Variants in DIP2C observed in about 807,000 individuals in gnomAD.
The protein encoded by DIP2C is DIP2 acetate--CoA ligase C (putative).
A neutral mutation model predicts 192.4 loss-of-function variants in DIP2C; 33 were observed. The observed-to-expected ratio is 0.17, with a 90% CI of 0.13 to 0.23. DIP2C has a LOEUF of 0.23. Among genes scored for constraint, DIP2C ranks in the 10% least tolerant of loss-of-function variants. The pLI, the probability that DIP2C is intolerant of heterozygous loss-of-function variation, is 1.00. For synonymous variants in DIP2C, 979 were observed against 864.1 expected, an observed-to-expected ratio of 1.13 and a Z score of -2.33; for missense variants, 1,537 against 2,110.1, an observed-to-expected ratio of 0.73 and a Z score of 5.32.
intron 31 of DIP2C, among the ~76,000 whole-genome samples, chr10:320,739 T>C (rs1301605314): frequency 6.6e-6 from 1 of 152,158 alleles, no homozygotes. Context: ...GGCAACATAG[T>C]GAGACCCTGT....
intron 1 of DIP2C, among the ~76,000 whole-genome samples, chr10:677,875 C>A (rs1830927475): frequency 6.6e-6 from 1 of 152,228 alleles, no homozygotes; most frequent in Non-Finnish European, 1.5e-5. Context: ...TGAGACAGAG[C>A]CAGGCTCCGA....
At chr10:550,979 C>T (rs986545469) in intron 1 of DIP2C, among the ~76,000 whole-genome samples, 3 of 151,038 alleles carry the variant, frequency 2.0e-5, no homozygotes, top group African/African-American at 7.3e-5. Context: ...TGGTACATAC[C>T]TGATGCGAAC....
intron 1 of DIP2C, among the ~76,000 whole-genome samples, chr10:616,524 A>G (rs1044112265): frequency 3.3e-5 from 5 of 152,206 alleles, no homozygotes; most frequent in African/African-American, 1.2e-4. Context: ...CCCACTGAAC[A>G]GAATAAGCAG....
intron 1 of DIP2C, among the ~76,000 whole-genome samples, chr10:601,955 G>T (rs559177176): frequency 6.6e-6 from 1 of 152,208 alleles, no homozygotes; most frequent in South Asian, 2.1e-4. Flanking sequence ...CGGCAGTTTA[G>T]CTAATCACTT....
intron 1 of DIP2C, among the ~76,000 whole-genome samples, chr10:649,651 G>A (rs187221999): frequency 2.0e-5 from 3 of 152,280 alleles, no homozygotes; most frequent in East Asian, 1.9e-4. Flanking sequence ...GGGGGAAGTC[G>A]GAAGTCAGAA....
At chr10:573,422 T>G (rs781006385) in intron 1 of DIP2C, among the ~76,000 whole-genome samples, 62 of 152,202 alleles carry the variant, frequency 4.1e-4, no homozygotes, top group Admixed American at 7.9e-4. Context: ...ATCGTTGCTG[T>G]TTTTCGGACA....
intron 34 of DIP2C, among the ~76,000 whole-genome samples, chr10:283,775 C>T (rs1041049869): frequency 2.0e-5 from 3 of 152,142 alleles, no homozygotes; most frequent in Non-Finnish European, 2.9e-5. Context: ...AGATTCCTTA[C>T]ACTTTAACGA....
chr10:669,954 A>G (rs572269600), intron 1 of DIP2C, among the ~76,000 whole-genome samples: 17 of 152,292 alleles, frequency 1.1e-4, no homozygotes, highest in African/African-American at 3.9e-4. Flanking sequence ...GGGATTCCTG[A>G]TATCGAATGT....
At chr10:430,761 G>T (rs1283353690) in intron 4 of DIP2C, among the ~76,000 whole-genome samples, 1 of 152,148 alleles carries the variant, frequency 6.6e-6, no homozygotes, top group African/African-American at 2.4e-5. Flanking sequence ...AAAGTCACTA[G>T]ATTTTTACCT....
intron 8 of DIP2C, among the ~76,000 whole-genome samples, chr10:412,187 C>T (rs1965229468): frequency 6.6e-6 from 1 of 152,192 alleles, no homozygotes; most frequent in African/African-American, 2.4e-5. Context: ...CATCAGAAGC[C>T]CCGTGAGAAC....
Position 559,368 on chromosome 10 carries a change from T to C in DIP2C, c.86-72838A>G, listed in dbSNP as rs78157021. 4.2e-3 allele frequency among the ~76,000 whole-genome samples: 619 copies of C among 148,562 alleles called. 3 individuals carry two copies. The highest frequency in any genetic ancestry group is 0.015 in the African/African-American group (566 of 38,462). ...CGGGGGAAGCCCCACACAAGCTCGG[T>C]GTGTCCTACCCCACACACAGTCGGC... On this transcript the variant is annotated intron_variant, in intron 1 of 36. Coordinates refer to ENST00000280886, the MANE Select transcript of DIP2C (RefSeq NM_014974.3).
At chr10:513,584 A>T (rs959772242) in intron 1 of DIP2C, among the ~76,000 whole-genome samples, 1 of 151,824 alleles carries the variant, frequency 6.6e-6, no homozygotes, top group Non-Finnish European at 1.5e-5. Context: ...GCCACACTGC[A>T]GCCTGCAATT....
intron 1 of DIP2C, among the ~76,000 whole-genome samples, chr10:659,830 C>T (rs1335055884): frequency 6.6e-6 from 1 of 152,220 alleles, no homozygotes; most frequent in Non-Finnish European, 1.5e-5. Flanking sequence ...TGATTTCCTT[C>T]TGACTAAAAT....
At chr10:543,074 T>TAC (rs1481550778) in intron 1 of DIP2C, among the ~76,000 whole-genome samples, 1 of 152,034 alleles carries the variant, frequency 6.6e-6, no homozygotes, top group Non-Finnish European at 1.5e-5. Flanking sequence ...ATGACACCGA[T>TAC]ACCAACACAT....
rs145134106 is a variant in DIP2C at position 357,885 on chromosome 10, G to T, written c.2847C>A (p.Ile949=). Reference sequence around the variant, plus strand: ...CCAGGTCTCTGCCACTGGCCTGGGCGATTCTCTTCCCAGAGACCAGGTTCC... The same window carrying T: ...CCAGGTCTCTGCCACTGGCCTGGGCTATTCTCTTCCCAGAGACCAGGTTCC... ...MVGNLVSGKR[I]AQASGRDLGQ... Residue 949 remains isoleucine (I), a synonymous_variant, in exon 23 of 37, where the codon ATC becomes ATA. Coordinates refer to ENST00000280886, the MANE Select transcript of DIP2C (RefSeq NM_014974.3). 4 of 1,612,634 alleles carry T rather than the reference G, an allele frequency of 2.5e-6. No homozygotes were observed. In the African/African-American group the frequency reaches 5.3e-5, roughly 22 times the overall value.
At chr10:531,577 C>T (rs1268363924) in intron 1 of DIP2C, among the ~76,000 whole-genome samples, 5 of 152,174 alleles carry the variant, frequency 3.3e-5, no homozygotes, top group African/African-American at 9.7e-5. Context: ...AAGCGTCTAT[C>T]GCCCTAAAGC....
At chr10:454,945 C>G (rs1969166570) in intron 3 of DIP2C, among the ~76,000 whole-genome samples, 1 of 152,190 alleles carries the variant, frequency 6.6e-6, no homozygotes, top group Non-Finnish European at 1.5e-5. Context: ...CCCTTCACTT[C>G]CATCTTTTGA....
chr10:453,728 G>A (rs1048731278), intron 3 of DIP2C, among the ~76,000 whole-genome samples: 16 of 152,222 alleles, frequency 1.1e-4, no homozygotes, highest in Non-Finnish European at 2.2e-4. Flanking sequence ...ATGAGGGAAT[G>A]TAACAGGTAC....
chr10:568,764 T>TAAAA (rs1849592091), intron 1 of DIP2C, among the ~76,000 whole-genome samples: 1 of 13,356 alleles, frequency 7.5e-5, no homozygotes, highest in African/African-American at 1.7e-4. Context: ...AAACTCCGTC[T>TAAAA]CAAAAAAAAA....
Sources: gnomAD v4.1 joint callset for allele counts (sites outside exome capture counted in the v4.1 genomes callset) on GRCh38, gnomAD v4.1.1 for gene constraint, MANE v1.5 for transcripts, NCBI Gene and HGNC (gene_info 2026-07-23, HGNC 2026-07-21) for gene names.